Variants in RBFOX1 observed in about 807,000 individuals in gnomAD.
The protein encoded by RBFOX1 is RNA binding protein fox-1 homolog 1.
Under a neutral mutation model 57.7 loss-of-function variants are expected in RBFOX1, and 8 were observed. The observed-to-expected ratio is 0.14, with a 90% confidence interval of 0.08 to 0.25. RBFOX1 has a LOEUF of 0.25. RBFOX1 is among the 10% of genes least tolerant of loss of function. The pLI, the probability that RBFOX1 is intolerant of heterozygous loss-of-function variation, is 1.00. For synonymous variants in RBFOX1, 326 were observed against 222.4 expected, an observed-to-expected ratio of 1.47 and a Z score of -4.15; for missense variants, 611 against 548.5, an observed-to-expected ratio of 1.11 and a Z score of -1.14.
At chr16:7,399,491 A>G (rs753676698) in intron 4 of RBFOX1, among the ~76,000 whole-genome samples, 1 of 152,146 alleles carries the variant, frequency 6.6e-6, no homozygotes, top group Non-Finnish European at 1.5e-5. Context: ...TAAAAATGCA[A>G]TGTCAGCAGA....
chr16:5,692,487 C>T lies in RBFOX1; in HGVS notation c.318+93526C>T, dbSNP rs796080102. Among the ~76,000 whole-genome samples, 8 of 152,228 alleles carry T rather than the reference C, an allele frequency of 5.3e-5. 1 individual carries two copies. In the South Asian group the frequency reaches 1.2e-3, roughly 24 times the overall value. On this transcript the variant is annotated intron_variant, in intron 3 of 19. Transcript: ENST00000641259. ...CTCTGTGTATTACAGCTCCAAAGAG[C>T]GCCTGAGTTGCATCCTGGTGAAGAC...
intron 2 of RBFOX1, among the ~76,000 whole-genome samples, chr16:5,482,789 A>C (rs2069590806): frequency 1.3e-5 from 2 of 152,216 alleles, no homozygotes; most frequent in South Asian, 4.1e-4. Flanking sequence ...GCCTCTGGGC[A>C]AACGGCTTTT....
At chr16:7,429,009 C>G (rs1288816433) in intron 4 of RBFOX1, among the ~76,000 whole-genome samples, 1 of 152,078 alleles carries the variant, frequency 6.6e-6, no homozygotes, top group African/African-American at 2.4e-5. Context: ...CTATTGTTGT[C>G]CTTGATTCTA....
At chr16:7,203,183 C>A (rs2089073067) in intron 4 of RBFOX1, among the ~76,000 whole-genome samples, 1 of 152,176 alleles carries the variant, frequency 6.6e-6, no homozygotes, top group South Asian at 2.1e-4. Context: ...GTGATACTCA[C>A]ACACGCACAA....
chr16:6,721,498 G>A (rs1300460066), intron 3 of RBFOX1, among the ~76,000 whole-genome samples: 1 of 152,150 alleles, frequency 6.6e-6, no homozygotes, highest in Admixed American at 6.6e-5. Context: ...GTTCTGTAAT[G>A]TTAAATGCAT....
chr16:7,377,994 G>C lies in RBFOX1; in HGVS notation c.28-140153G>C, dbSNP rs183710198. Reference sequence around the variant, plus strand: ...ATGGAGAGGAAGAGCACGGGGAACAGAATGTGCAAAGTCTCTAAAGTTAGA... The same window carrying C: ...ATGGAGAGGAAGAGCACGGGGAACACAATGTGCAAAGTCTCTAAAGTTAGA... On this transcript the variant is annotated intron_variant, in intron 4 of 15. Transcript: ENST00000550418. 1.4e-4 allele frequency among the ~76,000 whole-genome samples: 21 copies of C among 152,326 alleles called. No homozygotes were observed. In the East Asian group the frequency reaches 3.5e-3, roughly 25 times the overall value.
At chr16:6,495,587 A>G (rs1311180503) in intron 2 of RBFOX1, among the ~76,000 whole-genome samples, 1 of 152,236 alleles carries the variant, frequency 6.6e-6, no homozygotes, top group African/African-American at 2.4e-5. Flanking sequence ...ATAATCAGCT[A>G]GCTGACTTCA....
chr16:6,274,082 C>A (rs1274526256), intron 1 of RBFOX1, among the ~76,000 whole-genome samples: 1 of 152,198 alleles, frequency 6.6e-6, no homozygotes, highest in Admixed American at 6.5e-5. Flanking sequence ...GGATTACATA[C>A]ACATCGCTGG....
At chr16:7,704,124 G>C (rs1363483918) in intron 14 of RBFOX1, among the ~76,000 whole-genome samples, 1 of 152,162 alleles carries the variant, frequency 6.6e-6, no homozygotes, top group South Asian at 2.1e-4. Flanking sequence ...TCCAAGTCAT[G>C]AGAGCAAGGA....
intron 4 of RBFOX1, among the ~76,000 whole-genome samples, chr16:7,347,288 G>C (rs183687704): frequency 2.1e-4 from 32 of 152,296 alleles, no homozygotes; most frequent in East Asian, 5.8e-4. Flanking sequence ...TGGGCTTACA[G>C]TTCCAGGTGG....
chr16:6,851,295 T>G (rs1257827893), intron 3 of RBFOX1, among the ~76,000 whole-genome samples: 1 of 152,006 alleles, frequency 6.6e-6, no homozygotes, highest in Non-Finnish European at 1.5e-5. Flanking sequence ...GGAGTGACAG[T>G]AGGGTGTGGT....
intron 3 of RBFOX1, among the ~76,000 whole-genome samples, chr16:6,670,888 T>C (rs2098760219): frequency 6.6e-6 from 1 of 151,966 alleles, no homozygotes; most frequent in South Asian, 2.1e-4. Context: ...TAGTCCCAGC[T>C]ACTTGGGAGG....
At chr16:5,662,617 A>G (rs982078533) in intron 3 of RBFOX1, among the ~76,000 whole-genome samples, 5 of 152,096 alleles carry the variant, frequency 3.3e-5, no homozygotes, top group African/African-American at 7.2e-5. Flanking sequence ...TTTTATGACA[A>G]TTTTTTCTTT....
intron 2 of RBFOX1, among the ~76,000 whole-genome samples, chr16:6,506,929 T>C (rs940191967): frequency 2.6e-5 from 4 of 152,198 alleles, no homozygotes; most frequent in African/African-American, 9.6e-5. Flanking sequence ...GTTACAGTCA[T>C]GAGCCACCGT....
intron 1 of RBFOX1, among the ~76,000 whole-genome samples, chr16:6,047,601 G>A (rs547066317): frequency 6.6e-6 from 1 of 152,202 alleles, no homozygotes; most frequent in East Asian, 1.9e-4. Context: ...GAAGCAGGGG[G>A]TGAGGGATGA....
At chr16:6,981,867 T>C (rs1044440299) in intron 3 of RBFOX1, among the ~76,000 whole-genome samples, 5 of 152,284 alleles carry the variant, frequency 3.3e-5, no homozygotes, top group African/African-American at 1.2e-4. Flanking sequence ...ACTGATGACA[T>C]TTAAGTTGAT....
In RBFOX1 at chr16:7,026,567, G is replaced by C. The variant is rs74008511; in HGVS notation, c.-15-25490G>C. 9.2e-3 allele frequency among the ~76,000 whole-genome samples: 1,391 copies of C among 151,346 alleles called. 27 individuals carry two copies. Among genetic ancestry groups the C allele is most frequent in the African/African-American group, 0.032 (1,315 of 41,162 alleles). On this transcript the variant is annotated intron_variant, in intron 3 of 15. Transcript: ENST00000550418. ...CAGCTGCTTCATACGGCTTCTCCCC[G>C]TCCCCTCTCCTGGCAGCTGTGGCGT...
At chr16:7,155,698 C>CAAAAAAAAA (rs1204208973) in intron 4 of RBFOX1, among the ~76,000 whole-genome samples, 1 of 24,412 alleles carries the variant, frequency 4.1e-5, no homozygotes, top group African/African-American at 3.3e-4. Flanking sequence ...CTCCTCCCAC[C>CAAAAAAAAA]AAAAAAAAAA....
Position 6,771,579 on chromosome 16 carries a change from T to A in RBFOX1, c.-16+116929T>A, listed in dbSNP as rs188107822. ...GGTGTCTTCTCAGATATGATGCAGA[T>A]AGTATAGAGAGCTTTCTGATGCCTA... On this transcript the variant is annotated intron_variant, in intron 3 of 15. Coordinates refer to ENST00000550418, the MANE Select transcript of RBFOX1 (RefSeq NM_018723.4). Among the ~76,000 whole-genome samples the A allele has an allele frequency of 2.0e-5, 3 of 152,318 alleles. No homozygotes were observed. The East Asian group carries it at 5.8e-4, about 29-fold the overall frequency.
Sources: gnomAD v4.1 joint callset for allele counts (sites outside exome capture counted in the v4.1 genomes callset) on GRCh38, gnomAD v4.1.1 for gene constraint, MANE v1.5 for transcripts, NCBI Gene and HGNC (gene_info 2026-07-23, HGNC 2026-07-21) for gene names.